Variants in CACNA2D2 observed in about 807,000 individuals in gnomAD.
CACNA2D2 encodes the protein voltage-dependent calcium channel subunit alpha-2/delta-2.
CACNA2D2 carries 48 observed loss-of-function variants against 166.4 expected under a neutral mutation model. The observed-to-expected ratio is 0.29, with a 90% CI of 0.23 to 0.37. The LOEUF (loss-of-function observed/expected upper bound fraction) is 0.37. CACNA2D2 is among the 10% of genes least tolerant of loss of function. The probability of loss-of-function intolerance (pLI) is 1.00; values close to 1 mark genes in which losing one functional copy is unlikely to be tolerated. For missense variants in CACNA2D2, 1,122 were observed against 1,433.0 expected (o/e 0.78, Z 3.50); for synonymous variants, 561 against 573.7 (o/e 0.98, Z 0.32).
intron 1 of CACNA2D2, among the ~76,000 whole-genome samples, chr3:50,482,922 G>A (rs1023450304): frequency 6.6e-6 from 1 of 152,174 alleles, no homozygotes; most frequent in Admixed American, 6.5e-5. Flanking sequence ...AGGGCTGGCA[G>A]AGGGCAACAG....
At chr3:50,391,553 T>C (rs1705894852) in intron 4 of CACNA2D2, among the ~76,000 whole-genome samples, 1 of 152,182 alleles carries the variant, frequency 6.6e-6, no homozygotes, top group Non-Finnish European at 1.5e-5. Context: ...TGTCCAAGGG[T>C]CTGGGTTGGC....
At chr3:50,383,851 T>C (rs753533230) in intron 6 of CACNA2D2, among the ~76,000 whole-genome samples, 9 of 151,720 alleles carry the variant, frequency 5.9e-5, no homozygotes, top group Non-Finnish European at 1.0e-4. Context: ...TGGTGAGGAG[T>C]TGCTTCAGGG....
At chr3:50,494,527 G>A (rs1229988699) in intron 1 of CACNA2D2, among the ~76,000 whole-genome samples, 1 of 152,138 alleles carries the variant, frequency 6.6e-6, no homozygotes, top group East Asian at 1.9e-4. Flanking sequence ...AAGCTTTTAT[G>A]TCTCTGAAAC....
chr3:50,456,799 C>T (rs1297859338), intron 2 of CACNA2D2, among the ~76,000 whole-genome samples: 1 of 152,192 alleles, frequency 6.6e-6, no homozygotes, highest in Non-Finnish European at 1.5e-5. Flanking sequence ...GAAGGTCATG[C>T]ATATGAGGCT....
chr3:50,407,310 G>C (rs1347398033), intron 3 of CACNA2D2, among the ~76,000 whole-genome samples: 1 of 151,842 alleles, frequency 6.6e-6, no homozygotes, highest in Non-Finnish European at 1.5e-5. Flanking sequence ...TTTAAGGCCT[G>C]TTTGTGGCTT....
At chr3:50,452,703 G>A (rs909559160) in intron 2 of CACNA2D2, among the ~76,000 whole-genome samples, 2 of 152,210 alleles carry the variant, frequency 1.3e-5, no homozygotes, top group African/African-American at 4.8e-5. Flanking sequence ...AGCCCCCTTG[G>A]CAGGATATAA....
At chr3:50,440,493 G>A (rs1708537161) in intron 2 of CACNA2D2, among the ~76,000 whole-genome samples, 1 of 152,278 alleles carries the variant, frequency 6.6e-6, no homozygotes, top group African/African-American at 2.4e-5. Flanking sequence ...TGTACACTGT[G>A]ATGTTAGTTG....
rs761326165 is a variant in CACNA2D2, at chr3:50,367,858, T to C, written c.2188A>G (p.Thr730Ala). ...CACACACGCTCTACCAGCTGCTGCGTGATGCCCGTGTCCAAGATCAGGTTG... is the reference window on the plus strand; with the variant it reads ...CACACACGCTCTACCAGCTGCTGCGCGATGCCCGTGTCCAAGATCAGGTTG... ...LHNLILDTGI[T>A]QQLVERVWRD... Residue 730 changes from threonine to alanine, a missense_variant, in exon 25 of 38, where the codon ACG becomes GCG. Physicochemically the swap from Thr to Ala is moderately conservative, Grantham distance 58. Around this residue, in one of 2 missense-constraint regions of CACNA2D2, gnomAD observed 840 missense variants for 1,166.8 expected, o/e 0.72. Coordinates refer to ENST00000424201, the MANE Select transcript of CACNA2D2 (RefSeq NM_006030.4). This position sits in a 1 kb window ranked among gnomAD's most constrained non-coding sequence, Gnocchi z 6.5. The C allele has an allele frequency of 6.2e-7, 1 of 1,606,784 alleles. No individual in the cohort carries two copies. Among genetic ancestry groups the C allele is most frequent in the Non-Finnish European group, 8.5e-7 (1 of 1,178,960 alleles).
chr3:50,419,556 G>A (rs1461305489), intron 3 of CACNA2D2, among the ~76,000 whole-genome samples: 1 of 152,190 alleles, frequency 6.6e-6, no homozygotes, highest in Non-Finnish European at 1.5e-5. Flanking sequence ...TGACCATTGG[G>A]CTCGGGAGTG....
At chr3:50,501,486 C>T (rs1698961495) in intron 1 of CACNA2D2, among the ~76,000 whole-genome samples, 2 of 150,464 alleles carry the variant, frequency 1.3e-5, no homozygotes, top group African/African-American at 4.9e-5. Context: ...GGAAGTGTGT[C>T]GCTGCCGTCA....
At chr3:50,408,977 T>C (rs1706856837) in intron 3 of CACNA2D2, among the ~76,000 whole-genome samples, 1 of 152,108 alleles carries the variant, frequency 6.6e-6, no homozygotes, top group Admixed American at 6.5e-5. Flanking sequence ...CACTACACCA[T>C]CTCCCAGGAA....
intron 2 of CACNA2D2, among the ~76,000 whole-genome samples, chr3:50,465,662 A>G (rs1359797560): frequency 6.6e-6 from 1 of 151,966 alleles, no homozygotes; most frequent in East Asian, 1.9e-4. Context: ...AGCATGGGGG[A>G]CCCTCACTTT....
intron 3 of CACNA2D2, among the ~76,000 whole-genome samples, chr3:50,410,954 C>T (rs1575646254): frequency 6.6e-6 from 1 of 152,216 alleles, no homozygotes; most frequent in South Asian, 2.1e-4. Context: ...CCAACATGTG[C>T]TCAGGCACAC....
intron 3 of CACNA2D2, among the ~76,000 whole-genome samples, chr3:50,406,986 G>A (rs1236400539): frequency 1.3e-5 from 2 of 151,864 alleles, no homozygotes; most frequent in African/African-American, 4.8e-5. Flanking sequence ...AAATGACTCA[G>A]TGACCAGAGA....
chr3:50,452,704 C>A (rs940985123), intron 2 of CACNA2D2, among the ~76,000 whole-genome samples: 18 of 152,182 alleles, frequency 1.2e-4, no homozygotes, highest in Admixed American at 1.0e-3. Flanking sequence ...GCCCCCTTGG[C>A]AGGATATAAG....
intron 3 of CACNA2D2, among the ~76,000 whole-genome samples, chr3:50,410,715 T>C (rs1013061953): frequency 3.9e-5 from 6 of 152,216 alleles, no homozygotes; most frequent in East Asian, 1.9e-4. Flanking sequence ...GTGGGACCCC[T>C]GTGACCAGGC....
At chr3:50,428,239 T>G (rs879725615) in intron 3 of CACNA2D2, among the ~76,000 whole-genome samples, 7 of 152,158 alleles carry the variant, frequency 4.6e-5, no homozygotes, top group Admixed American at 2.0e-4. Context: ...CATCCCACAG[T>G]GCACAAGGCA....
At chr3:50,465,524 G>A (rs1709793417) in intron 2 of CACNA2D2, among the ~76,000 whole-genome samples, 1 of 152,136 alleles carries the variant, frequency 6.6e-6, no homozygotes, top group African/African-American at 2.4e-5. Flanking sequence ...CTAAGACTCA[G>A]GTACAAGTTC....
At chr3:50,425,336 C>A (rs935519701) in intron 3 of CACNA2D2, among the ~76,000 whole-genome samples, 1 of 152,218 alleles carries the variant, frequency 6.6e-6, no homozygotes, top group African/African-American at 2.4e-5. Context: ...TGCCTTCCTT[C>A]TTCCTTTCTT....
Sources: allele counts gnomAD v4.1 joint callset (sites outside exome capture counted in the v4.1 genomes callset), GRCh38; gene constraint gnomAD v4.1.1; regional missense constraint gnomAD v4.1.1; non-coding constraint Gnocchi (gnomAD v3.1); transcripts MANE v1.5; gene names NCBI Gene and HGNC (gene_info 2026-07-23, HGNC 2026-07-21).